The following SEMA4D variants were observed in gnomAD, a reference collection of about 807,000 sequenced individuals.
SEMA4D encodes semaphorin-4D.
In SEMA4D, 22 loss-of-function variants were observed where a neutral mutation model predicts 74.8. The ratio of observed to expected loss-of-function variants is 0.29; its 90% CI spans 0.21 to 0.42. The LOEUF (loss-of-function observed/expected upper bound fraction) is 0.42, where lower values mean the gene tolerates loss of function less well. SEMA4D is among the 10% of genes least tolerant of loss of function. The pLI is 1.00. For synonymous variants in SEMA4D, 445 were observed against 463.7 expected (o/e 0.96, Z 0.52); for missense variants, 937 against 1,118.4 (o/e 0.84, Z 2.31).
intron 16 of SEMA4D, among the ~76,000 whole-genome samples, chr9:89,370,312 CGTGT>C (rs536933689): frequency 1.1e-3 from 165 of 147,842 alleles, no homozygotes; most frequent in African/African-American, 3.8e-3. Flanking sequence ...CGTGTTATGT[CGTGT>C]GTGTGTGTTG....
At chr9:89,406,498 T>G (rs1049651116) in intron 2 of SEMA4D, among the ~76,000 whole-genome samples, 1 of 152,152 alleles carries the variant, frequency 6.6e-6, no homozygotes, top group Non-Finnish European at 1.5e-5. Context: ...TCCCCAACAT[T>G]CTCTGATGAC....
At chr9:89,427,707 A>C (rs556081726) in intron 2 of SEMA4D, among the ~76,000 whole-genome samples, 72 of 152,314 alleles carry the variant, frequency 4.7e-4, no homozygotes, top group African/African-American at 1.7e-3. Flanking sequence ...ACGGCCCTGC[A>C]AAGTCCCATC....
chr9:89,374,951 G>C (rs1308064617), downstream of SEMA4D, among the ~76,000 whole-genome samples: 1 of 152,234 alleles, frequency 6.6e-6, no homozygotes, highest in Non-Finnish European at 1.5e-5. Context: ...TACTAGGGGG[G>C]CTGATGCAGG....
chr9:89,370,000 ATGAT>A (rs1280451070), intron 16 of SEMA4D, among the ~76,000 whole-genome samples: 1 of 150,388 alleles, frequency 6.6e-6, no homozygotes, highest in Non-Finnish European at 1.5e-5. Flanking sequence ...TAACAGTGGT[ATGAT>A]TGGTGTGTGT....
chr9:89,377,062 G>A, downstream of SEMA4D: 5 of 1,527,554 alleles, frequency 3.3e-6, no homozygotes, highest in East Asian at 2.5e-5. Context: ...CTGTGAGACA[G>A]AGAGGACAGA....
At chr9:89,440,378 G>A (rs1325245563) in intron 2 of SEMA4D, among the ~76,000 whole-genome samples, 2 of 152,022 alleles carry the variant, frequency 1.3e-5, no homozygotes, top group Non-Finnish European at 2.9e-5. Flanking sequence ...GTCTTGACAT[G>A]CCTCTGCCAA....
chr9:89,364,441 T>A, intron 16 of SEMA4D: 1 of 223,278 alleles, frequency 4.5e-6, no homozygotes, highest in East Asian at 9.8e-5. Context: ...CATGAGGGCC[T>A]GTCTCTCCAA....
chr9:89,403,518 C>G (rs1168895872), intron 3 of SEMA4D, among the ~76,000 whole-genome samples: 1 of 152,156 alleles, frequency 6.6e-6, no homozygotes, highest in East Asian at 1.9e-4. Flanking sequence ...AGAATATATC[C>G]ATCAACGAAT....
rs890350959 is a variant in SEMA4D at position 89,378,981 on chromosome 9, A to G, written c.2312T>C (p.Leu771Pro). The change falls in exon 16 of 16, where the codon CTA (leucine) becomes CCA (proline). Residue 771 changes from leucine (L) to proline (P), a missense_variant. Physicochemically the swap from Leu to Pro is moderately conservative, Grantham distance 98. Transcript: ENST00000422704. The part of the protein sequence containing the change: ...PRQCLKFRSA[L>P]LIGKKKPKSD... The stretch of plus-strand genomic sequence containing the variant: ...CTTGGGCTTCTTCTTCCCAATTAGT[A>G]GGGCCGAGCGGAATTTCAAGCACTG... The G allele has an allele frequency of 1.2e-6, 2 of 1,613,742 alleles. No homozygotes were observed. Among genetic ancestry groups the G allele is most frequent in the Non-Finnish European group, 1.7e-6 (2 of 1,179,846 alleles).
rs752715417 is a variant in SEMA4D at position 89,378,730 on chromosome 9, C to T, written c.2563G>A (p.Ala855Thr). ...PFDVKCELKF[A>T]DSDADGD ...CAGTCTCCATCTGCGTCTGAGTCAG[C>T]GAACTTCAGCTCACACTTGACGTCA... Residue 855 changes from alanine to threonine, a missense_variant, in exon 16 of 16, where the codon GCT becomes ACT. Transcript: ENST00000422704. 6 of 1,614,076 alleles carry T rather than the reference C, an allele frequency of 3.7e-6. No homozygotes were observed. The highest frequency in any genetic ancestry group is 2.2e-5 in the East Asian group (1 of 44,892).
intron 16 of SEMA4D, among the ~76,000 whole-genome samples, chr9:89,370,389 A>G (rs1041171667): frequency 6.8e-6 from 1 of 147,358 alleles, no homozygotes; most frequent in African/African-American, 2.6e-5. Context: ...TATCTGATAT[A>G]TGCGTGGCGT....
chr9:89,397,611 T>A (rs1023930600), intron 5 of SEMA4D, among the ~76,000 whole-genome samples: 1 of 152,250 alleles, frequency 6.6e-6, no homozygotes, highest in Non-Finnish European at 1.5e-5. Flanking sequence ...GTTCTCTTTT[T>A]TAGACTGGTT....
chr9:89,475,001 G>C (rs1861414878), intron 1 of SEMA4D, among the ~76,000 whole-genome samples: 1 of 152,228 alleles, frequency 6.6e-6, no homozygotes, highest in Non-Finnish European at 1.5e-5. Flanking sequence ...GGGTTTCACA[G>C]CTGCCCTGCT....
chr9:89,450,484 A>C (rs1239940723), intron 2 of SEMA4D: 14 of 1,393,370 alleles, frequency 1.0e-5, no homozygotes, highest in African/African-American at 1.4e-5. Flanking sequence ...AATGTTCTCT[A>C]TGAGAAGGAG....
chr9:89,414,642 A>G (rs1188655539), intron 2 of SEMA4D, among the ~76,000 whole-genome samples: 1 of 152,230 alleles, frequency 6.6e-6, no homozygotes, highest in Non-Finnish European at 1.5e-5. Context: ...GGAATCAGGA[A>G]TGGGTTTCAG....
Position 89,463,531 on chromosome 9 carries a change from C to T in SEMA4D, c.-309-7578G>A, listed in dbSNP as rs577458001. ...ATCCAGGTCATGACCAGCCCTTTTT[C>T]GCTGCTGCTTTTTCATTTTCGCAGC... On this transcript the variant is annotated intron_variant, in intron 1 of 15. Coordinates refer to ENST00000422704, the MANE Select transcript of SEMA4D (RefSeq NM_001371194.2). Among the ~76,000 whole-genome samples the T allele has an allele frequency of 1.0e-3, 157 of 152,262 alleles. 1 individual carries two copies. The highest frequency in any genetic ancestry group is 3.4e-3 in the African/African-American group (140 of 41,548).
intron 4 of SEMA4D, among the ~76,000 whole-genome samples, chr9:89,401,828 TTA>T (rs767800459): frequency 2.6e-5 from 4 of 152,108 alleles, no homozygotes; most frequent in Non-Finnish European, 5.9e-5. Context: ...ACTTCCCCTT[TTA>T]TACGATTTCC....
Position 89,419,815 on chromosome 9 carries a change from G to A in SEMA4D, c.-243-14116C>T, listed in dbSNP as rs554158581. Among the ~76,000 whole-genome samples the A allele has an allele frequency of 7.9e-5, 12 of 152,216 alleles. No individual in the cohort carries two copies. The South Asian group carries it at 2.5e-3, about 32-fold the overall frequency. On this transcript the variant is annotated intron_variant, in intron 2 of 15. Coordinates refer to ENST00000422704, the MANE Select transcript of SEMA4D (RefSeq NM_001371194.2). ...ACCTGTCATCCCAGCTACTTGGGAG[G>A]CTGAGGCAGGAGAATCGCTTGAACT...
In SEMA4D at chr9:89,378,735, T is replaced by C; in HGVS notation, c.2558A>G (p.Lys853Arg). Residue 853 changes from lysine to arginine, a missense_variant, in exon 16 of 16, where the codon AAG becomes AGG. Lys to Arg is a conservative substitution (Grantham distance 26, BLOSUM62 2). Transcript: ENST00000422704. ...TCCATCTGCGTCTGAGTCAGCGAAC[T>C]TCAGCTCACACTTGACGTCAAAGGG... ...DKPFDVKCEL[K>R]FADSDADGD 1 of 1,614,138 alleles carries C rather than the reference T, an allele frequency of 6.2e-7. No homozygotes were observed. Among genetic ancestry groups the C allele is most frequent in the East Asian group, 2.2e-5 (1 of 44,894 alleles).
Sources: gnomAD v4.1 joint callset for allele counts (sites outside exome capture counted in the v4.1 genomes callset) on GRCh38, gnomAD v4.1.1 for gene constraint, MANE v1.5 for transcripts, NCBI Gene and HGNC (gene_info 2026-07-23, HGNC 2026-07-21) for gene names.